The following DGKB variants were observed in gnomAD, a reference collection of about 807,000 sequenced individuals.
DGKB encodes the protein diacylglycerol kinase beta, also known as 90 kDa diacylglycerol kinase.
A neutral mutation model predicts 114.3 loss-of-function variants in DGKB; 67 were observed. The observed-to-expected ratio is 0.59, with a 90% CI of 0.48 to 0.72. DGKB has a LOEUF of 0.72. Among genes scored for constraint, DGKB ranks in the 30% least tolerant of loss-of-function variants. DGKB has a pLI of 0.00. For missense variants in DGKB, 907 were observed against 975.2 expected (o/e 0.93, Z 0.93); for synonymous variants, 398 against 323.1 (o/e 1.23, Z -2.49).
At chr7:14,321,333 A>G (rs1435238746) in intron 23 of DGKB, among the ~76,000 whole-genome samples, 1 of 152,188 alleles carries the variant, frequency 6.6e-6, no homozygotes, top group Non-Finnish European at 1.5e-5. Context: ...TTCACAGGAT[A>G]AAGAATAAAA....
intron 13 of DGKB, among the ~76,000 whole-genome samples, chr7:14,634,535 C>G (rs995511463): frequency 2.7e-5 from 4 of 148,740 alleles, no homozygotes. Context: ...GCCTGAAAAA[C>G]TGGCTTGAAT....
intron 21 of DGKB, among the ~76,000 whole-genome samples, chr7:14,399,292 A>G (rs983120339): frequency 1.3e-5 from 2 of 151,802 alleles, no homozygotes; most frequent in African/African-American, 2.4e-5. Flanking sequence ...TAATGGTTAA[A>G]TAGCCACAAC....
upstream of DGKB, among the ~76,000 whole-genome samples, chr7:14,906,708 C>G (rs1236888732): frequency 2.0e-5 from 3 of 152,144 alleles, no homozygotes; most frequent in Non-Finnish European, 4.4e-5. Context: ...ACGTTGGCCT[C>G]CCAAAGTGCT....
intron 23 of DGKB, among the ~76,000 whole-genome samples, chr7:14,221,276 T>C (rs1052464125): frequency 6.6e-6 from 1 of 151,442 alleles, no homozygotes; most frequent in African/African-American, 2.4e-5. Context: ...ATAAAGCATC[T>C]AGTATTTCAC....
intron 22 of DGKB, 148 bp downstream of exon 22, chr7:14,345,153 A>G (rs1812268293): frequency 1.8e-6 from 1 of 554,366 alleles, no homozygotes; most frequent in Non-Finnish European, 3.2e-6. Context: ...ATTCCAAATG[A>G]GTGAAAGGAA....
intron 21 of DGKB, among the ~76,000 whole-genome samples, chr7:14,372,259 C>T (rs1239017644): frequency 6.6e-6 from 1 of 152,106 alleles, no homozygotes; most frequent in African/African-American, 2.4e-5. Flanking sequence ...TGCCAACAAC[C>T]CCGGGAACTG....
chr7:14,833,680 T>G (rs933258816), intron 2 of DGKB, among the ~76,000 whole-genome samples: 4 of 152,128 alleles, frequency 2.6e-5, no homozygotes, highest in Non-Finnish European at 4.4e-5. Context: ...CTCATGCCCA[T>G]GTACACACAT....
intron 21 of DGKB, among the ~76,000 whole-genome samples, chr7:14,451,994 A>C (rs150583600): frequency 0.013 from 2,047 of 152,236 alleles, 21 homozygotes; most frequent in Non-Finnish European, 0.018. Context: ...GAAGCCCATC[A>C]AGAGAATTTT....
intron 25 of DGKB, among the ~76,000 whole-genome samples, chr7:14,159,588 T>G (rs183425975): frequency 1.6e-3 from 251 of 152,312 alleles, no homozygotes; most frequent in African/African-American, 5.5e-3. Context: ...TCTCCATTCA[T>G]TGTAACACTA....
At chr7:14,521,437 G>C (rs1001983259) in intron 20 of DGKB, among the ~76,000 whole-genome samples, 1 of 152,064 alleles carries the variant, frequency 6.6e-6, no homozygotes, top group Non-Finnish European at 1.5e-5. Flanking sequence ...ATTTGTGGTT[G>C]GTTGATTTTA....
rs187655775 is a variant in DGKB at position 14,508,673 on chromosome 7, A to C, written c.1771-30448T>G. Among the ~76,000 whole-genome samples, 1,188 of 152,322 alleles carry C rather than the reference A, an allele frequency of 7.8e-3. 12 individuals are homozygous for C. The highest frequency in any genetic ancestry group is 0.014 in the Middle Eastern group (4 of 294). On this transcript the variant is annotated intron_variant, in intron 20 of 25. Coordinates refer to ENST00000402815, the MANE Select transcript of DGKB (RefSeq NM_001350709.2). ...AATTCCTATTAAATCAGTTTTAGGG[A>C]GAGCATCTGTTAGATAAGTTGATAC...
intron 13 of DGKB, among the ~76,000 whole-genome samples, chr7:14,637,518 T>TTA (rs555484919): frequency 1.1e-4 from 16 of 151,298 alleles, no homozygotes; most frequent in East Asian, 9.6e-4. Flanking sequence ...CTCTATAAGA[T>TTA]TATATATATA....
chr7:14,492,484 G>A (rs1443838372), intron 20 of DGKB, among the ~76,000 whole-genome samples: 1 of 152,014 alleles, frequency 6.6e-6, no homozygotes, highest in African/African-American at 2.4e-5. Context: ...CTTCATGCAA[G>A]GAAAATTATC....
At chr7:14,342,477 T>G (rs1811765783) in intron 22 of DGKB, among the ~76,000 whole-genome samples, 1 of 152,072 alleles carries the variant, frequency 6.6e-6, no homozygotes, top group South Asian at 2.1e-4. Flanking sequence ...TTTAAAGAAT[T>G]TATTTTTATC....
intron 1 of DGKB, among the ~76,000 whole-genome samples, chr7:14,898,245 C>T (rs1307324352): frequency 6.6e-6 from 1 of 151,958 alleles, no homozygotes; most frequent in African/African-American, 2.4e-5. Flanking sequence ...TACAGAGAGC[C>T]AAATGTAAGC....
intron 23 of DGKB, among the ~76,000 whole-genome samples, chr7:14,248,602 G>A (rs1267626511): frequency 6.6e-6 from 1 of 151,636 alleles, no homozygotes; most frequent in South Asian, 2.1e-4. Context: ...TTTATTTTTT[G>A]ATGCTATTTT....
intron 23 of DGKB, among the ~76,000 whole-genome samples, chr7:14,231,082 CCTTT>C (rs201778587): frequency 0.16 from 18,998 of 120,954 alleles, 1,487 homozygotes; most frequent in East Asian, 0.18. Flanking sequence ...TTCTTCTTTC[CCTTT>C]CTTTCTTTCT....
At chr7:14,765,764 A>T (rs921586676) in intron 2 of DGKB, among the ~76,000 whole-genome samples, 1 of 152,024 alleles carries the variant, frequency 6.6e-6, no homozygotes, top group Non-Finnish European at 1.5e-5. Flanking sequence ...CCACTCATCT[A>T]TACTATAACT....
intron 21 of DGKB, among the ~76,000 whole-genome samples, chr7:14,449,887 ACT>A (rs1831231695): frequency 6.6e-6 from 1 of 152,030 alleles, no homozygotes; most frequent in Non-Finnish European, 1.5e-5. Flanking sequence ...TTAATGCCAA[ACT>A]CTCACGGAGA....
Sources: allele counts gnomAD v4.1 joint callset (sites outside exome capture counted in the v4.1 genomes callset), GRCh38; gene constraint gnomAD v4.1.1; transcripts MANE v1.5; gene names NCBI Gene and HGNC (gene_info 2026-07-23, HGNC 2026-07-21).